The following SHPRH variants were observed in gnomAD, a reference collection of about 807,000 sequenced individuals.
The protein encoded by SHPRH is SNF2 histone linker PHD RING helicase.
In SHPRH, 106 loss-of-function variants were observed where a neutral mutation model predicts 202.5. That is an observed-to-expected ratio of 0.52 (90% CI 0.45 to 0.62). The LOEUF (loss-of-function observed/expected upper bound fraction) is 0.62. Ranked by LOEUF, SHPRH falls within the 20% of genes least tolerant of loss-of-function variation. SHPRH has a pLI of 0.00. For synonymous variants in SHPRH, 729 were observed against 686.0 expected, an observed-to-expected ratio of 1.06 and a Z score of -0.98; for missense variants, 1,710 against 2,020.0, an observed-to-expected ratio of 0.85 and a Z score of 2.94.
chr6:145,923,752 TCA>T lies in SHPRH; in HGVS notation c.3434_3435del (p.Val1145AspfsTer10). 1 of 1,611,140 alleles carries T rather than the reference TCA, an allele frequency of 6.2e-7. No homozygotes were observed. Among genetic ancestry groups the T allele is most frequent in the Non-Finnish European group, 8.5e-7 (1 of 1,178,232 alleles). On this transcript the variant is annotated frameshift_variant, in exon 18 of 30. Coordinates refer to ENST00000275233, the MANE Select transcript of SHPRH (RefSeq NM_001042683.3). LOFTEE classifies it high-confidence loss of function. Reference protein sequence around the residue: ...IHSNSPWWLNVIHRAIEFTID... With the variant: ...IHSNSPWWLNXIHRAIEFTID... Reference sequence around the variant, plus strand: ...ATAGTAAATTCTATTGCTCTGTGGATCACATTTAGCCACCAAGGAGAATTAGA... The same window carrying T: ...ATAGTAAATTCTATTGCTCTGTGGATCATTTAGCCACCAAGGAGAATTAGA...
At chr6:145,953,115 T>C (rs895653809) in intron 2 of SHPRH, among the ~76,000 whole-genome samples, 9 of 152,006 alleles carry the variant, frequency 5.9e-5, no homozygotes, top group Admixed American at 2.0e-4. Flanking sequence ...ATAATATAAC[T>C]ATAAAAGTTT....
chr6:145,939,702 G>C (rs1376105422), intron 11 of SHPRH, among the ~76,000 whole-genome samples: 1 of 152,026 alleles, frequency 6.6e-6, no homozygotes, highest in Non-Finnish European at 1.5e-5. Context: ...TTTACTGAAC[G>C]TAATATTATT....
At chr6:145,890,259 T>C (rs1224077850) in intron 28 of SHPRH, among the ~76,000 whole-genome samples, 1 of 152,210 alleles carries the variant, frequency 6.6e-6, no homozygotes, top group Non-Finnish European at 1.5e-5. Context: ...TGCCTGACTA[T>C]GGGCAAGTTA....
At chr6:145,873,650 G>A (rs1326041464) in intron 2 of SHPRH, among the ~76,000 whole-genome samples, 1 of 135,548 alleles carries the variant, frequency 7.4e-6, no homozygotes, top group Non-Finnish European at 1.5e-5. Context: ...ATTGCTAAGT[G>A]TCAATGATGA....
intron 14 of SHPRH, among the ~76,000 whole-genome samples, chr6:145,932,696 T>G (rs893248561): frequency 1.3e-5 from 2 of 152,226 alleles, no homozygotes; most frequent in African/African-American, 2.4e-5. Flanking sequence ...TCCTTTAATG[T>G]GTCAAAATTT....
At chr6:145,900,015 G>C (rs1231981287) in intron 25 of SHPRH, among the ~76,000 whole-genome samples, 1 of 152,094 alleles carries the variant, frequency 6.6e-6, no homozygotes, top group Non-Finnish European at 1.5e-5. Context: ...GTATTGGTGA[G>C]AAGGTGGAGA....
At chr6:145,880,928 C>G (rs913090866), downstream of SHPRH, among the ~76,000 whole-genome samples, 25 of 152,076 alleles carry the variant, frequency 1.6e-4, no homozygotes, top group African/African-American at 5.8e-4. Flanking sequence ...TTCTCACATT[C>G]GTAAGAGCAA....
chr6:145,955,312 C>T lies in SHPRH; in HGVS notation c.11G>A (p.Arg4Gln), dbSNP rs2128805823. ...CCTCACTGGAGGAGCACGTTTCCGTCGGCTGCTCATTTTCAAGTTTTCTTG... is the reference window on the plus strand; with the variant it reads ...CCTCACTGGAGGAGCACGTTTCCGTTGGCTGCTCATTTTCAAGTTTTCTTG... The part of the protein sequence containing the change: MSS[R>Q]RKRAPPVRVD... The change falls in exon 2 of 30, where the codon CGA becomes CAA. Residue 4 changes from arginine (R) to glutamine (Q), a missense_variant. By Grantham distance (43) the Arg-to-Gln change is conservative (BLOSUM62 1). Transcript: ENST00000275233. 2.5e-6 allele frequency: 4 copies of T among 1,593,270 alleles called. No individual in the cohort carries two copies. The highest frequency in any genetic ancestry group is 3.4e-6 in the Non-Finnish European group (4 of 1,171,596).
chr6:145,952,871 A>G (rs1386140964), intron 2 of SHPRH, among the ~76,000 whole-genome samples: 1 of 152,110 alleles, frequency 6.6e-6, no homozygotes, highest in Non-Finnish European at 1.5e-5. Flanking sequence ...CTGCACAGTT[A>G]GGTTTGGGCA....
At chr6:145,940,083 C>T (rs948900831) in intron 11 of SHPRH, among the ~76,000 whole-genome samples, 2 of 151,910 alleles carry the variant, frequency 1.3e-5, no homozygotes, top group Non-Finnish European at 2.9e-5. Flanking sequence ...ATGCAGTGTC[C>T]GTTCTACTGT....
intron 19 of SHPRH, 59 bp from the exon 20 acceptor site, chr6:145,922,407 T>G: frequency 6.6e-7 from 1 of 1,511,376 alleles, no homozygotes; most frequent in South Asian, 1.2e-5. Flanking sequence ...CTGGTAATTT[T>G]AAGGAGAAGC....
At chr6:145,948,205 C>G (rs1165631078) in intron 5 of SHPRH, 67 bp downstream of exon 5, 37 of 1,228,076 alleles carry the variant, frequency 3.0e-5, no homozygotes, top group Non-Finnish European at 4.1e-5. Context: ...GATATGCTAA[C>G]AATCTCAGAC....
chr6:145,956,853 C>T (rs549218385), intron 1 of SHPRH, among the ~76,000 whole-genome samples: 1 of 152,128 alleles, frequency 6.6e-6, no homozygotes, highest in East Asian at 1.9e-4. Context: ...AAAAGCAATC[C>T]CATTCAAAAT....
intron 2 of SHPRH, among the ~76,000 whole-genome samples, chr6:145,869,439 CTA>C (rs1266109420): frequency 6.6e-6 from 1 of 152,074 alleles, no homozygotes; most frequent in African/African-American, 2.4e-5. Flanking sequence ...AGATTTTCTT[CTA>C]TGTTATTTTC....
intron 14 of SHPRH, among the ~76,000 whole-genome samples, chr6:145,929,255 A>T (rs1785191323): frequency 6.6e-6 from 1 of 152,124 alleles, no homozygotes; most frequent in Admixed American, 6.6e-5. Context: ...TAACATTTCT[A>T]AGAAAACTGG....
At chr6:145,961,080 T>C (rs1264892102) in intron 1 of SHPRH, among the ~76,000 whole-genome samples, 4 of 151,980 alleles carry the variant, frequency 2.6e-5, no homozygotes, top group South Asian at 2.1e-4. Context: ...ACTCACCTCC[T>C]GCAATGCAGC....
chr6:145,865,439 A>G (rs909402235), intron 2 of SHPRH, among the ~76,000 whole-genome samples: 1 of 152,254 alleles, frequency 6.6e-6, no homozygotes, highest in Non-Finnish European at 1.5e-5. Flanking sequence ...GCCAGCCTCC[A>G]GAACTGTGTG....
At chr6:145,909,283 T>C (rs1783265818) in intron 25 of SHPRH, 3 of 152,110 alleles carry the variant, frequency 2.0e-5, no homozygotes. Flanking sequence ...TCCACAAAAG[T>C]AGTAACCATA....
intron 22 of SHPRH, chr6:145,918,880 C>T (rs983058596): frequency 1.3e-5 from 2 of 153,360 alleles, no homozygotes; most frequent in African/African-American, 4.8e-5. Flanking sequence ...TGGAGTAATG[C>T]TTTTAAACCT....
Sources: allele counts gnomAD v4.1 joint callset (sites outside exome capture counted in the v4.1 genomes callset), GRCh38; gene constraint gnomAD v4.1.1; transcripts MANE v1.5; gene names NCBI Gene and HGNC (gene_info 2026-07-23, HGNC 2026-07-21).